FRMD4B: variants seen among roughly 807,000 people sequenced by gnomAD.
The protein encoded by FRMD4B is FERM domain-containing protein 4B.
In FRMD4B, 74 loss-of-function variants were observed where a neutral mutation model predicts 141.5. The ratio of observed to expected loss-of-function variants is 0.52; its 90% CI spans 0.43 to 0.63. The LOEUF (loss-of-function observed/expected upper bound fraction) is 0.63, where lower values mean the gene tolerates loss of function less well. Among genes scored for constraint, FRMD4B ranks in the 30% least tolerant of loss-of-function variants. FRMD4B has a pLI of 0.00. For synonymous variants in FRMD4B, 506 were observed against 467.9 expected, an observed-to-expected ratio of 1.08 and a Z score of -1.05; for missense variants, 1,366 against 1,253.4, an observed-to-expected ratio of 1.09 and a Z score of -1.36.
intron 1 of FRMD4B, among the ~76,000 whole-genome samples, chr3:69,346,983 A>G (rs1173520028): frequency 6.6e-6 from 1 of 152,236 alleles, no homozygotes; most frequent in African/African-American, 2.4e-5. Flanking sequence ...TCATAACAAT[A>G]TTAACCTTAA....
At chr3:69,377,776 G>C (rs963962588) in intron 1 of FRMD4B, among the ~76,000 whole-genome samples, 2 of 151,708 alleles carry the variant, frequency 1.3e-5, no homozygotes, top group Admixed American at 6.6e-5. Flanking sequence ...CTGAATTCTA[G>C]TTCAACTTTT....
At chr3:69,463,851 A>C (rs1705738971) in intron 1 of FRMD4B, among the ~76,000 whole-genome samples, 1 of 152,230 alleles carries the variant, frequency 6.6e-6, no homozygotes, top group South Asian at 2.1e-4. Flanking sequence ...CAAAGAAATG[A>C]CTGCCTCATC....
At chr3:69,272,412 G>A (rs1403524761) in intron 5 of FRMD4B, among the ~76,000 whole-genome samples, 1 of 152,094 alleles carries the variant, frequency 6.6e-6, no homozygotes, top group African/African-American at 2.4e-5. Flanking sequence ...CGCCTGCCTC[G>A]GCCTCCCAAA....
chr3:69,471,068 A>G (rs1705881091), intron 1 of FRMD4B, among the ~76,000 whole-genome samples: 1 of 152,226 alleles, frequency 6.6e-6, no homozygotes, highest in Non-Finnish European at 1.5e-5. Context: ...TGCCCATGGC[A>G]TAAGAGTTAT....
chr3:69,474,531 G>A (rs1246993438), intron 1 of FRMD4B, among the ~76,000 whole-genome samples: 3 of 152,146 alleles, frequency 2.0e-5, no homozygotes, highest in African/African-American at 7.2e-5. Flanking sequence ...AAACAGTGGA[G>A]TTCCTGGTAG....
intron 19 of FRMD4B, among the ~76,000 whole-genome samples, chr3:69,184,587 G>C (rs1210266286): frequency 6.6e-6 from 1 of 152,222 alleles, no homozygotes; most frequent in African/African-American, 2.4e-5. Flanking sequence ...AAATTCCTAA[G>C]TGAAATTGCT....
intron 4 of FRMD4B, among the ~76,000 whole-genome samples, chr3:69,295,941 C>G (rs916493112): frequency 6.6e-6 from 1 of 152,248 alleles, no homozygotes; most frequent in East Asian, 1.9e-4. Flanking sequence ...CTCAGCCTCC[C>G]GCGTAGCTGG....
intron 7 of FRMD4B, among the ~76,000 whole-genome samples, chr3:69,227,152 T>C (rs1317785426): frequency 3.3e-5 from 5 of 152,204 alleles, no homozygotes; most frequent in Non-Finnish European, 7.3e-5. Flanking sequence ...AATCAGAATC[T>C]ACTCCAGTTA....
At chr3:69,470,073 A>G (rs1352508999) in intron 1 of FRMD4B, among the ~76,000 whole-genome samples, 1 of 152,216 alleles carries the variant, frequency 6.6e-6, no homozygotes, top group Non-Finnish European at 1.5e-5. Context: ...GATGATGGGA[A>G]TATTTTGGAT....
chr3:69,534,910 C>T (rs1701062273), intron 1 of FRMD4B, among the ~76,000 whole-genome samples: 1 of 152,146 alleles, frequency 6.6e-6, no homozygotes, highest in Non-Finnish European at 1.5e-5. Context: ...TAAAATGTGG[C>T]ACATAGTTGG....
chr3:69,285,830 C>T (rs1038501177), intron 5 of FRMD4B, among the ~76,000 whole-genome samples: 6 of 150,264 alleles, frequency 4.0e-5, no homozygotes, highest in African/African-American at 7.4e-5. Flanking sequence ...GGCAACAAAG[C>T]GAGACTCCAT....
chr3:69,523,864 T>C (rs1301625743), intron 1 of FRMD4B, among the ~76,000 whole-genome samples: 1 of 152,144 alleles, frequency 6.6e-6, no homozygotes, highest in Non-Finnish European at 1.5e-5. Context: ...GTTGGTTCCC[T>C]TACCTTCACT....
At chr3:69,222,154 A>AAT (rs200427489) in intron 8 of FRMD4B, among the ~76,000 whole-genome samples, 1,931 of 152,054 alleles carry the variant, frequency 0.013, 68 homozygotes, top group East Asian at 0.071. Flanking sequence ...ATATTTATAT[A>AAT]ATATATATAT....
intron 1 of FRMD4B, among the ~76,000 whole-genome samples, chr3:69,325,370 G>C (rs1702158860): frequency 6.6e-6 from 1 of 152,204 alleles, no homozygotes; most frequent in Non-Finnish European, 1.5e-5. Flanking sequence ...TCCCTGGGGA[G>C]GGCATTCTCA....
At chr3:69,471,257 C>A (rs1705886083) in intron 1 of FRMD4B, among the ~76,000 whole-genome samples, 1 of 152,106 alleles carries the variant, frequency 6.6e-6, no homozygotes, top group Admixed American at 6.5e-5. Flanking sequence ...AACTGGATAA[C>A]TTCAGAAAAG....
intron 1 of FRMD4B, among the ~76,000 whole-genome samples, chr3:69,323,751 G>GCTGAACCAC (rs1314054260): frequency 3.3e-5 from 5 of 150,694 alleles, no homozygotes; most frequent in Non-Finnish European, 5.9e-5. Flanking sequence ...AAGGTACATG[G>GCTGAACCAC]CTGACCCACC....
At chr3:69,178,379 A>T (rs2092671305) in intron 21 of FRMD4B, among the ~76,000 whole-genome samples, 1 of 152,134 alleles carries the variant, frequency 6.6e-6, no homozygotes, top group Non-Finnish European at 1.5e-5. Context: ...CTTGGTGGTT[A>T]AGATGTTAGA....
intron 5 of FRMD4B, among the ~76,000 whole-genome samples, chr3:69,267,662 GA>G: frequency 7.1e-6 from 1 of 140,206 alleles, no homozygotes; most frequent in South Asian, 2.4e-4. Flanking sequence ...GAGAGAGAGA[GA>G]GAGAGAGAGA....
At chr3:69,234,720 C>T (rs1241645473) in intron 7 of FRMD4B, among the ~76,000 whole-genome samples, 3 of 152,158 alleles carry the variant, frequency 2.0e-5, no homozygotes, top group African/African-American at 7.2e-5. Flanking sequence ...TCAACATTAT[C>T]GGATGACTTT....
Sources: allele counts gnomAD v4.1 joint callset (sites outside exome capture counted in the v4.1 genomes callset), GRCh38; gene constraint gnomAD v4.1.1; transcripts MANE v1.5; gene names NCBI Gene and HGNC (gene_info 2026-07-23, HGNC 2026-07-21).